The following SMYD3 variants were observed in gnomAD, a reference collection of about 807,000 sequenced individuals.
The protein encoded by SMYD3 is histone-lysine N-methyltransferase SMYD3.
In SMYD3, 36 loss-of-function variants were observed where a neutral mutation model predicts 57.7. The observed-to-expected ratio is 0.62, with a 90% confidence interval of 0.48 to 0.82. The LOEUF is 0.82. Among genes scored for constraint, SMYD3 ranks in the 40% least tolerant of loss-of-function variants. SMYD3 has a pLI of 0.00. For missense variants in SMYD3, 515 were observed against 538.8 expected, an observed-to-expected ratio of 0.96 and a Z score of 0.44; for synonymous variants, 211 against 195.0, an observed-to-expected ratio of 1.08 and a Z score of -0.68.
intron 5 of SMYD3, among the ~76,000 whole-genome samples, chr1:246,039,251 G>A (rs1233069605): frequency 6.6e-6 from 1 of 152,142 alleles, no homozygotes; most frequent in African/African-American, 2.4e-5. Flanking sequence ...GCTCTGTCCT[G>A]ACCAAAACAA....
chr1:245,800,047 A>G (rs1392556241), intron 10 of SMYD3, among the ~76,000 whole-genome samples: 1 of 152,182 alleles, frequency 6.6e-6, no homozygotes. Flanking sequence ...GGCCTAAGGT[A>G]TGTGCCCACT....
intron 5 of SMYD3, among the ~76,000 whole-genome samples, chr1:246,067,282 G>T (rs1440259120): frequency 6.6e-6 from 1 of 152,138 alleles, no homozygotes; most frequent in East Asian, 1.9e-4. Context: ...AGCCAGTGGG[G>T]GAGAATGGTT....
chr1:246,248,808 A>ATTTTTTTT (rs1164274725), intron 5 of SMYD3, among the ~76,000 whole-genome samples: 5,625 of 90,180 alleles, frequency 0.062, 370 homozygotes, highest in East Asian at 0.15. Context: ...TGCCCGGCTA[A>ATTTTTTTT]TTTTTTTTTT....
At chr1:246,043,169 T>C (rs2059907281) in intron 5 of SMYD3, among the ~76,000 whole-genome samples, 1 of 152,234 alleles carries the variant, frequency 6.6e-6, no homozygotes, top group Admixed American at 6.5e-5. Flanking sequence ...TAACTCTGCT[T>C]CATCTACTAC....
intron 5 of SMYD3, among the ~76,000 whole-genome samples, chr1:245,946,078 G>A (rs909721943): frequency 8.5e-5 from 13 of 152,146 alleles, no homozygotes; most frequent in South Asian, 2.1e-4. Flanking sequence ...GTTTACATAT[G>A]TAACAAACCT....
At chr1:246,322,837 CCTCA>C (rs1345792023) in intron 5 of SMYD3, among the ~76,000 whole-genome samples, 1 of 152,234 alleles carries the variant, frequency 6.6e-6, no homozygotes, top group Non-Finnish European at 1.5e-5. Flanking sequence ...GTATCCCTAC[CCTCA>C]CTTTCTATTA....
chr1:246,034,904 TG>T (rs1262886261), intron 5 of SMYD3, among the ~76,000 whole-genome samples: 1 of 152,202 alleles, frequency 6.6e-6, no homozygotes, highest in Non-Finnish European at 1.5e-5. Flanking sequence ...ATGAAGCTCC[TG>T]GCTACTTTAT....
At chr1:245,853,274 A>C (rs2051066847) in intron 10 of SMYD3, among the ~76,000 whole-genome samples, 1 of 152,324 alleles carries the variant, frequency 6.6e-6, no homozygotes, top group Middle Eastern at 3.4e-3. Flanking sequence ...TACAACAGCC[A>C]AGGACCCAGC....
chr1:246,275,798 C>T (rs1469475922), intron 5 of SMYD3, among the ~76,000 whole-genome samples: 2 of 148,878 alleles, frequency 1.3e-5, no homozygotes, highest in African/African-American at 5.0e-5. Flanking sequence ...CGTATTAACA[C>T]TGGCAAGTTA....
chr1:245,954,139 C>A (rs1012061925), intron 5 of SMYD3, among the ~76,000 whole-genome samples: 22 of 152,190 alleles, frequency 1.4e-4, no homozygotes, highest in African/African-American at 5.3e-4. Context: ...GGGGTCAACA[C>A]TGTAATTAGG....
intron 5 of SMYD3, among the ~76,000 whole-genome samples, chr1:246,061,707 AGAGT>A (rs1428833836): frequency 6.6e-6 from 1 of 152,270 alleles, no homozygotes; most frequent in Non-Finnish European, 1.5e-5. Flanking sequence ...CCTGGGCGAC[AGAGT>A]GAGACCCTGT....
At chr1:246,329,651 C>G (rs1055265123) in intron 4 of SMYD3, among the ~76,000 whole-genome samples, 11 of 152,126 alleles carry the variant, frequency 7.2e-5, no homozygotes, top group Non-Finnish European at 1.5e-4. Flanking sequence ...TGCCTGTTCA[C>G]TCTGATGGTA....
chr1:245,802,983 T>C (rs1163911520), intron 10 of SMYD3, among the ~76,000 whole-genome samples: 4 of 152,242 alleles, frequency 2.6e-5, no homozygotes, highest in Non-Finnish European at 1.5e-5. Context: ...TTTATGAATC[T>C]GTGGACACCA....
intron 1 of SMYD3, among the ~76,000 whole-genome samples, chr1:246,487,551 C>T (rs2068207563): frequency 6.6e-6 from 1 of 151,924 alleles, no homozygotes; most frequent in South Asian, 2.1e-4. Flanking sequence ...CCTAAACAAC[C>T]AGGAGACAAT....
chr1:246,110,771 C>T lies in SMYD3; in HGVS notation c.532-180834G>A, dbSNP rs373970810. Among the ~76,000 whole-genome samples the T allele has an allele frequency of 3.2e-4, 49 of 152,306 alleles. No homozygotes were observed. In the East Asian group the frequency reaches 8.1e-3, roughly 25 times the overall value. On this transcript the variant is annotated intron_variant, in intron 5 of 11. Transcript: ENST00000490107. ...TATTACACATGGAGTTGCGCGCCTGCGCTACAGACTTGCTGAGTCACCCGG... is the reference window on the plus strand; with the variant it reads ...TATTACACATGGAGTTGCGCGCCTGTGCTACAGACTTGCTGAGTCACCCGG...
At chr1:246,236,974 T>C (rs549370833) in intron 5 of SMYD3, among the ~76,000 whole-genome samples, 4 of 152,186 alleles carry the variant, frequency 2.6e-5, no homozygotes, top group Non-Finnish European at 5.9e-5. Context: ...TGGGCTGTGC[T>C]GGCGTTTACT....
chr1:245,948,757 C>T lies in SMYD3; in HGVS notation c.532-18820G>A, dbSNP rs377555179. On this transcript the variant is annotated intron_variant, in intron 5 of 11. Coordinates refer to ENST00000490107, the MANE Select transcript of SMYD3 (RefSeq NM_001167740.2). ...TGAAGCACAAGCCACTAGCAGTGAC[C>T]CTGTGGCCCCAGCAGCAAGGCCACC... Among the ~76,000 whole-genome samples the T allele has an allele frequency of 2.8e-4, 42 of 152,272 alleles. No individual in the cohort carries two copies. In the South Asian group the frequency reaches 8.3e-3, roughly 30 times the overall value.
chr1:246,306,380 T>G (rs918718515), intron 5 of SMYD3, among the ~76,000 whole-genome samples: 1 of 152,066 alleles, frequency 6.6e-6, no homozygotes, highest in African/African-American at 2.4e-5. Flanking sequence ...TCTTCAAACT[T>G]TGTGCCATTT....
At chr1:245,764,616 T>G (rs1270610739) in intron 10 of SMYD3, among the ~76,000 whole-genome samples, 1 of 152,054 alleles carries the variant, frequency 6.6e-6, no homozygotes, top group Non-Finnish European at 1.5e-5. Context: ...CACCCCCCTT[T>G]TAACCGCAAA....
Sources: gnomAD v4.1 joint callset for allele counts (sites outside exome capture counted in the v4.1 genomes callset) on GRCh38, gnomAD v4.1.1 for gene constraint, MANE v1.5 for transcripts, NCBI Gene and HGNC (gene_info 2026-07-23, HGNC 2026-07-21) for gene names.